The following HIPK2 variants were observed in gnomAD, a reference collection of about 807,000 sequenced individuals.
HIPK2 encodes the protein homeodomain interacting protein kinase 2.
A neutral mutation model predicts 113.7 loss-of-function variants in HIPK2; 27 were observed. The observed-to-expected ratio is 0.24, with a 90% CI of 0.17 to 0.33. The LOEUF is 0.33. HIPK2 is among the 10% of genes least tolerant of loss of function. The pLI, the probability that HIPK2 is intolerant of heterozygous loss-of-function variation, is 1.00. For synonymous variants in HIPK2, 631 were observed against 642.2 expected (o/e 0.98, Z 0.26); for missense variants, 1,257 against 1,588.0 (o/e 0.79, Z 3.54).
intron 2 of HIPK2, among the ~76,000 whole-genome samples, chr7:139,688,114 C>A (rs1465719016): frequency 1.3e-5 from 2 of 152,172 alleles, no homozygotes; most frequent in Non-Finnish European, 2.9e-5. Context: ...CACACGCAGC[C>A]CATTGGGCCT....
At chr7:139,759,111 T>A (rs1454376943) in intron 1 of HIPK2, among the ~76,000 whole-genome samples, 1 of 152,020 alleles carries the variant, frequency 6.6e-6, no homozygotes, top group Non-Finnish European at 1.5e-5. Flanking sequence ...ACCAACAACA[T>A]AGTGGGAAAA....
intron 12 of HIPK2, among the ~76,000 whole-genome samples, chr7:139,584,396 A>T (rs540845259): frequency 5.5e-4 from 84 of 152,316 alleles, no homozygotes; most frequent in African/African-American, 2.0e-3. Flanking sequence ...TGCAGCCCAG[A>T]GCTGGGTACA....
rs950457471 is a variant in HIPK2, at chr7:139,631,831, T to C, written c.1104-106A>G. ...CTGGGGTGCCATTACTGACTCCTCC[T>C]CTGAAGGGCCTGTGGCTCTCAGGAG... On this transcript the variant is annotated intron_variant, in intron 2 of 14. Coordinates refer to ENST00000406875, the MANE Select transcript of HIPK2 (RefSeq NM_022740.5). This position sits in a 1 kb window ranked among gnomAD's most constrained non-coding sequence, Gnocchi z 4.9. The C allele has an allele frequency of 4.2e-5, 57 of 1,371,458 alleles. No individual in the cohort carries two copies. The highest frequency in any genetic ancestry group is 5.4e-5 in the Non-Finnish European group (55 of 1,023,096). The allele number at this position is 1,371,458 out of a possible 1,614,324, so 85.0% of individuals were successfully genotyped here. A position where few individuals can be genotyped will look rare whatever the true frequency, so the allele number is the denominator to read the frequency against.
chr7:139,690,412 G>T (rs1293757100), intron 2 of HIPK2, among the ~76,000 whole-genome samples: 1 of 152,160 alleles, frequency 6.6e-6, no homozygotes, highest in East Asian at 1.9e-4. Flanking sequence ...GTGATCTCCA[G>T]TGTTGGAGGT....
At chr7:139,702,871 G>A (rs1398986003) in intron 2 of HIPK2, among the ~76,000 whole-genome samples, 3 of 152,174 alleles carry the variant, frequency 2.0e-5, no homozygotes, top group African/African-American at 7.2e-5. Context: ...CTTAACTTTT[G>A]GAGGACAAGT....
intron 2 of HIPK2, among the ~76,000 whole-genome samples, chr7:139,668,960 AC>A (rs1802161717): frequency 6.6e-6 from 1 of 152,050 alleles, no homozygotes; most frequent in South Asian, 2.1e-4. Flanking sequence ...TAATCAAATA[AC>A]CATGAAAGAA....
At chr7:139,773,765 C>G (rs1106768) in intron 1 of HIPK2, among the ~76,000 whole-genome samples, 12 of 152,152 alleles carry the variant, frequency 7.9e-5, no homozygotes, top group Admixed American at 2.6e-4. Flanking sequence ...GGGCGAGGAG[C>G]CTCCCCTTGG....
intron 11 of HIPK2, among the ~76,000 whole-genome samples, chr7:139,598,169 T>C (rs573194031): frequency 6.6e-6 from 1 of 152,278 alleles, no homozygotes; most frequent in African/African-American, 2.4e-5. Context: ...AATTTTGGAG[T>C]TCTGGATTAG....
At chr7:139,621,660 G>A (rs751795972) in intron 6 of HIPK2, among the ~76,000 whole-genome samples, 5 of 152,104 alleles carry the variant, frequency 3.3e-5, no homozygotes, top group Non-Finnish European at 5.9e-5. Flanking sequence ...TGGGTGGGGT[G>A]GCTCACGCCT....
chr7:139,707,282 G>A (rs1794929817), intron 2 of HIPK2, among the ~76,000 whole-genome samples: 1 of 152,252 alleles, frequency 6.6e-6, no homozygotes, highest in Non-Finnish European at 1.5e-5. Context: ...ATCTCAATCT[G>A]TCCCGGAACA....
chr7:139,697,110 G>A (rs1270473472), intron 2 of HIPK2, among the ~76,000 whole-genome samples: 4 of 151,970 alleles, frequency 2.6e-5, no homozygotes, highest in African/African-American at 7.3e-5. Context: ...CCTCCTCCCC[G>A]ACCCCCTGCC....
rs112462645 is a variant in HIPK2 at position 139,629,436 on chromosome 7, C to T, written c.1348-397G>A. Reference sequence around the variant, plus strand: ...TTAATAAACCCTTATGCACATAGCTCTTGCTACGTGCCAGACATTGTTCTA... The same window carrying T: ...TTAATAAACCCTTATGCACATAGCTTTTGCTACGTGCCAGACATTGTTCTA... On this transcript the variant is annotated intron_variant, in intron 4 of 14. Transcript: ENST00000406875. Among the ~76,000 whole-genome samples the T allele has an allele frequency of 4.7e-3, 721 of 152,346 alleles. 4 individuals carry two copies. Among genetic ancestry groups the T allele is most frequent in the African/African-American group, 0.016 (676 of 41,566 alleles).
intron 2 of HIPK2, among the ~76,000 whole-genome samples, chr7:139,679,726 T>C (rs1200082465): frequency 1.3e-5 from 2 of 152,204 alleles, no homozygotes; most frequent in African/African-American, 2.4e-5. Context: ...GCTTTTTGTT[T>C]ATTTCTTCAT....
intron 2 of HIPK2, among the ~76,000 whole-genome samples, chr7:139,651,739 T>C (rs1801466480): frequency 1.3e-5 from 2 of 152,230 alleles, no homozygotes; most frequent in South Asian, 4.1e-4. Flanking sequence ...AAAAAAGGTT[T>C]AGCAAACAGC....
chr7:139,588,479 A>G (rs1798910701), intron 12 of HIPK2, among the ~76,000 whole-genome samples: 1 of 151,642 alleles, frequency 6.6e-6, no homozygotes, highest in Admixed American at 6.6e-5. Flanking sequence ...TCACACCACT[A>G]CAATCCAGTC....
At chr7:139,606,471 G>A (rs1045570981) in intron 9 of HIPK2, among the ~76,000 whole-genome samples, 7 of 152,066 alleles carry the variant, frequency 4.6e-5, no homozygotes, top group African/African-American at 1.4e-4. Context: ...GATTCATAAG[G>A]GCAAAGAGAG....
In HIPK2 at chr7:139,714,278, G is replaced by C. The variant is rs143536309; in HGVS notation, c.1103+1654C>G. Reference sequence around the variant, plus strand: ...TCCTAAAGGGAAGAGGGAAGAGACAGAAACAGCATGGGTGAAGAGGCCTCG... The same window carrying C: ...TCCTAAAGGGAAGAGGGAAGAGACACAAACAGCATGGGTGAAGAGGCCTCG... On this transcript the variant is annotated intron_variant, in intron 2 of 14. Transcript: ENST00000406875. This position sits in a 1 kb window ranked among gnomAD's most constrained non-coding sequence, Gnocchi z 4.2. Among the ~76,000 whole-genome samples, 113 of 152,356 alleles carry C rather than the reference G, an allele frequency of 7.4e-4. No homozygotes were observed. Among genetic ancestry groups the C allele is most frequent in the Non-Finnish European group, 1.5e-3 (101 of 68,030 alleles).
intron 2 of HIPK2, among the ~76,000 whole-genome samples, chr7:139,711,135 C>CA (rs1021797331): frequency 3.9e-4 from 56 of 145,334 alleles, no homozygotes; most frequent in East Asian, 7.9e-4. Context: ...AAGAATCAGA[C>CA]AAAAAAAAAA....
chr7:139,699,818 C>T (rs995179448), intron 2 of HIPK2, among the ~76,000 whole-genome samples: 2 of 152,212 alleles, frequency 1.3e-5, no homozygotes, highest in East Asian at 1.9e-4. Flanking sequence ...TCACAATCTG[C>T]GCACGCCAGG....
Sources: gnomAD v4.1 joint callset for allele counts (sites outside exome capture counted in the v4.1 genomes callset) on GRCh38, gnomAD v4.1.1 for gene constraint, Gnocchi (gnomAD v3.1) non-coding constraint, MANE v1.5 for transcripts, NCBI Gene and HGNC (gene_info 2026-07-23, HGNC 2026-07-21) for gene names.